IDI1: variants seen among roughly 807,000 people sequenced by gnomAD.
The protein encoded by IDI1 is isopentenyl-diphosphate Delta-isomerase 1.
IDI1 carries 23 observed loss-of-function variants against 32.9 expected under a neutral mutation model. The observed-to-expected ratio is 0.70, with a 90% CI of 0.50 to 0.99. The LOEUF (loss-of-function observed/expected upper bound fraction) is 0.99, where lower values mean the gene tolerates loss of function less well. IDI1 is among the 50% of genes least tolerant of loss of function. The pLI, the probability that IDI1 is intolerant of heterozygous loss-of-function variation, is 0.00. For synonymous variants in IDI1, 133 were observed against 128.2 expected (o/e 1.04, Z -0.25); for missense variants, 326 against 351.9 (o/e 0.93, Z 0.59).
At position 1,048,952 on chromosome 10, in the gene IDI1, GC is replaced by G; in HGVS notation, c.51del (p.Arg18GlyfsTer28). ...LARAIGCAAR[G>X]RGQWAVRAAD... The stretch of plus-strand genomic sequence containing the variant: ...GCGGCGCGCACCGCCCACTGGCCCC[GC>G]CCCCGGGCCGCGCAGCCAATCGCTC... On this transcript the variant is annotated frameshift_variant, in exon 1 of 5. Coordinates refer to ENST00000381344, the MANE Select transcript of IDI1 (RefSeq NM_004508.4). LOFTEE classifies it high-confidence loss of function. 9 of 1,564,708 alleles carry G rather than the reference GC, an allele frequency of 5.8e-6. No homozygotes were observed. Among genetic ancestry groups the G allele is most frequent in the East Asian group, 4.8e-5 (2 of 41,652 alleles).
intron 1 of IDI1, among the ~76,000 whole-genome samples, chr10:1,044,858 G>A (rs537986082): frequency 6.6e-6 from 1 of 152,326 alleles, no homozygotes; most frequent in East Asian, 1.9e-4. Context: ...ATGCTTTAAG[G>A]CAGTGCTTGG....
At chr10:1,054,889 A>G in the IDI1 span, among the ~76,000 whole-genome samples, 1 of 152,222 alleles carries the variant, frequency 6.6e-6, no homozygotes, top group Non-Finnish European at 1.5e-5. Flanking sequence ...AAAGAACGCT[A>G]AGTGTGCAGA....
At chr10:1,054,754 C>G in the IDI1 span, among the ~76,000 whole-genome samples, 1 of 152,188 alleles carries the variant, frequency 6.6e-6, no homozygotes, top group Non-Finnish European at 1.5e-5. Context: ...TGTTAAAGAC[C>G]TCACTTCCAG....
chr10:1,052,756 G>C (rs1833046926), upstream of IDI1, among the ~76,000 whole-genome samples: 1 of 152,164 alleles, frequency 6.6e-6, no homozygotes, highest in African/African-American at 2.4e-5. Flanking sequence ...AGGATTTTCA[G>C]AATGATAAAT....
At position 1,041,512 on chromosome 10, in the gene IDI1, ATT is replaced by A; in HGVS notation, c.538-10_538-9del. The A allele has an allele frequency of 1.4e-6, 2 of 1,457,400 alleles. No individual in the cohort carries two copies. Among genetic ancestry groups the A allele is most frequent in the African/African-American group, 1.6e-5 (1 of 64,406 alleles). The allele number at this position is 1,457,400 out of a possible 1,614,324, so 90.3% of individuals were successfully genotyped here. ...AATTTCTTCTGGAGGAACCTAAGAC[ATT>A]AAAAAAAAAAAAGTAATTAAAACAT... is the stretch of plus-strand genomic sequence containing the variant. On this transcript the variant is annotated splice_polypyrimidine_tract_variant and intron_variant, in intron 4 of 4. Coordinates refer to ENST00000381344, the MANE Select transcript of IDI1 (RefSeq NM_004508.4).
chr10:1,047,677 C>T (rs561534519), intron 1 of IDI1, among the ~76,000 whole-genome samples: 141 of 152,394 alleles, frequency 9.3e-4, no homozygotes, highest in Non-Finnish European at 3.1e-4. Context: ...TCTAGGTCTG[C>T]GTCAGCGCAC....
chr10:1,050,315 C>A (rs1430528971), upstream of IDI1, among the ~76,000 whole-genome samples: 5 of 152,214 alleles, frequency 3.3e-5, no homozygotes, highest in Admixed American at 3.3e-4. Context: ...TCATGTCTGG[C>A]TTCACACAGA....
At chr10:1,052,745 T>C (rs1208442890), upstream of IDI1, among the ~76,000 whole-genome samples, 2 of 152,192 alleles carry the variant, frequency 1.3e-5, no homozygotes, top group South Asian at 2.1e-4. Flanking sequence ...TTAAGGACTC[T>C]AGGATTTTCA....
At chr10:1,052,333 A>T (rs1833036726), upstream of IDI1, among the ~76,000 whole-genome samples, 1 of 152,222 alleles carries the variant, frequency 6.6e-6, no homozygotes, top group African/African-American at 2.4e-5. Flanking sequence ...GTTCATCCAC[A>T]AGAAGCAACT....
chr10:1,050,411 C>A (rs1403131502), upstream of IDI1, among the ~76,000 whole-genome samples: 7 of 151,730 alleles, frequency 4.6e-5, no homozygotes, highest in Non-Finnish European at 8.8e-5. Context: ...AGTGAAACAA[C>A]GTATAGCAAA....
At chr10:1,041,815 T>G (rs1018847347) in intron 4 of IDI1, among the ~76,000 whole-genome samples, 5 of 151,418 alleles carry the variant, frequency 3.3e-5, no homozygotes, top group African/African-American at 1.2e-4. Context: ...TCTTCTTTTT[T>G]TTTTTTTTGT....
Position 1,041,250 on chromosome 10 carries a change from T to G in IDI1, c.792A>C (p.Lys264Asn), listed in dbSNP as rs1218030852. 6.2e-7 allele frequency: 1 copy of G among 1,613,172 alleles called. No individual in the cohort carries two copies. The highest frequency in any genetic ancestry group is 1.3e-5 in the African/African-American group (1 of 74,892). The change falls in exon 5 of 5, where the codon AAA becomes AAC. Residue 264 changes from lysine (K) to asparagine (N), a missense_variant. Transcript: ENST00000381344. ...FKIIAATFLF[K>N]WWDNLNHLNQ... is the part of the protein sequence containing the mutation. Reference sequence around the variant, plus strand: ...TCAAATGATTTAAGTTATCCCACCATTTAAAGAGAAAAGTCGCTGCAATAA... The same window carrying G: ...TCAAATGATTTAAGTTATCCCACCAGTTAAAGAGAAAAGTCGCTGCAATAA...
intron 4 of IDI1, 193 bp downstream of exon 4, chr10:1,042,439 A>C: frequency 1.7e-6 from 1 of 571,728 alleles, no homozygotes; most frequent in Admixed American, 2.5e-5. Flanking sequence ...CCCCGTATTG[A>C]GCTAAGTTTT....
intron 1 of IDI1, among the ~76,000 whole-genome samples, chr10:1,045,692 C>A (rs1394516993): frequency 6.6e-6 from 1 of 152,262 alleles, no homozygotes; most frequent in Non-Finnish European, 1.5e-5. Flanking sequence ...ATCTCGAACT[C>A]CTAACCTCAG....
chr10:1,049,061 T>C lies in IDI1; in HGVS notation c.-58A>G, dbSNP rs921520416. The C allele has an allele frequency of 6.2e-6, 9 of 1,444,264 alleles. No individual in the cohort carries two copies. The East Asian group carries it at 1.9e-4, about 31-fold the overall frequency. 89.5% of individuals were successfully genotyped at this position (1,444,264 alleles called of 1,614,324 possible). A position where few individuals can be genotyped will look rare whatever the true frequency, so the allele number is the denominator to read the frequency against. ...CGACACAATCTCGCCAAGCTTCGCC[T>C]GGTGGTGCCACCTCCCTGGCCTGTG... On this transcript the variant is annotated 5_prime_UTR_variant, in exon 1 of 5. Coordinates refer to ENST00000381344, the MANE Select transcript of IDI1 (RefSeq NM_004508.4).
intron 1 of IDI1, among the ~76,000 whole-genome samples, chr10:1,047,715 A>G (rs1161124068): frequency 6.6e-6 from 1 of 152,288 alleles, no homozygotes; most frequent in Non-Finnish European, 1.5e-5. Context: ...GAAAGTACCT[A>G]ACAATGAACT....
At chr10:1,042,952 A>C (rs892798169) in intron 3 of IDI1, among the ~76,000 whole-genome samples, 190 bp from the exon 4 acceptor site, 6 of 148,222 alleles carry the variant, frequency 4.0e-5, no homozygotes, top group Non-Finnish European at 7.4e-5. Flanking sequence ...AATTATTTTA[A>C]GGATTTTAAA....
upstream of IDI1, chr10:1,049,496 G>A (rs1589058319): frequency 6.5e-6 from 1 of 154,554 alleles, no homozygotes; most frequent in Non-Finnish European, 1.3e-5. Flanking sequence ...TTCCGCCGCT[G>A]GGACTACAGC....
upstream of IDI1, among the ~76,000 whole-genome samples, chr10:1,054,039 AT>A (rs1248455801): frequency 6.6e-6 from 1 of 152,218 alleles, no homozygotes; most frequent in Non-Finnish European, 1.5e-5. Flanking sequence ...GGGGTGGTTC[AT>A]GGTGCCCCCC....
Sources: allele counts gnomAD v4.1 joint callset (sites outside exome capture counted in the v4.1 genomes callset), GRCh38; gene constraint gnomAD v4.1.1; transcripts MANE v1.5; gene names NCBI Gene and HGNC (gene_info 2026-07-23, HGNC 2026-07-21).